The following NDUFV3 variants were observed in gnomAD, a reference collection of about 807,000 sequenced individuals.
NDUFV3 encodes the protein NADH dehydrogenase [ubiquinone] flavoprotein 3, mitochondrial.
NDUFV3 carries 44 observed loss-of-function variants against 37.5 expected under a neutral mutation model. The observed-to-expected ratio is 1.17, with a 90% confidence interval of 0.92 to 1.51. NDUFV3 has a LOEUF of 1.51. Ranked by LOEUF, NDUFV3 falls within the 40% of genes most tolerant of loss-of-function variation. The pLI is 0.00. For synonymous variants in NDUFV3, 235 were observed against 239.3 expected (o/e 0.98, Z 0.17); for missense variants, 580 against 580.4 (o/e 1.00, Z 0.01).
chr21:42,911,648 C>T lies in NDUFV3; in HGVS notation c.*2627C>T, dbSNP rs902576813. On this transcript the variant is annotated 3_prime_UTR_variant, in exon 4 of 4. Transcript: ENST00000354250. The stretch of plus-strand genomic sequence containing the variant: ...GTAGAGACAGGGTTCAAGAGATCTG[C>T]CTGCCTCGGCCCCAGAAAGTTCTGG... The T allele has an allele frequency of 6.6e-6, 1 of 151,882 alleles. No individual in the cohort carries two copies. Among genetic ancestry groups the T allele is most frequent in the East Asian group, 1.9e-4 (1 of 5,170 alleles). 9.4% of individuals were successfully genotyped at this position (151,882 alleles called of 1,614,324 possible). A position where few individuals can be genotyped will look rare whatever the true frequency, so the allele number is the denominator to read the frequency against.
chr21:42,894,387 A>T (rs1439979304), intron 1 of NDUFV3, among the ~76,000 whole-genome samples: 1 of 29,222 alleles, frequency 3.4e-5, no homozygotes, highest in Admixed American at 3.2e-4. Context: ...TAATATGTAA[A>T]TATATATTAT....
chr21:42,905,054 G>A (rs181707363), intron 3 of NDUFV3, among the ~76,000 whole-genome samples: 3 of 152,310 alleles, frequency 2.0e-5, no homozygotes, highest in Admixed American at 2.0e-4. Context: ...CTCCCAAAGT[G>A]CTGGGATTAC....
chr21:42,904,129 G>A lies in NDUFV3; in HGVS notation c.1117G>A (p.Asp373Asn), dbSNP rs778094556. 1.2e-6 allele frequency: 2 copies of A among 1,614,148 alleles called. No homozygotes were observed. Among genetic ancestry groups the A allele is most frequent in the African/African-American group, 2.7e-5 (2 of 74,954 alleles). Residue 373 changes from aspartate (D) to asparagine (N), a missense_variant, in exon 3 of 4, where the codon GAT becomes AAT. Coordinates refer to ENST00000354250, the MANE Select transcript of NDUFV3 (RefSeq NM_021075.4). ...GAAGGGTGGACAGGCAATCGTGGAA[G>A]ATCAGATACCACCAAGCAATTTGGA... Reference protein sequence around the residue: ...HLKGGQAIVEDQIPPSNLETV... With the variant: ...HLKGGQAIVENQIPPSNLETV...
At chr21:42,895,376 G>T (rs2058686044) in intron 1 of NDUFV3, among the ~76,000 whole-genome samples, 1 of 152,164 alleles carries the variant, frequency 6.6e-6, no homozygotes, top group African/African-American at 2.4e-5. Flanking sequence ...CAGCTACTTG[G>T]GTGGCTGAGA....
rs1291058507 is a variant in NDUFV3, at chr21:42,913,229, A to G, written c.*4208A>G. 1 of 152,210 alleles carries G rather than the reference A, an allele frequency of 6.6e-6. No homozygotes were observed. Among genetic ancestry groups the G allele is most frequent in the Non-Finnish European group, 1.5e-5 (1 of 68,058 alleles). 9.4% of individuals were successfully genotyped at this position (152,210 alleles called of 1,614,324 possible). On this transcript the variant is annotated 3_prime_UTR_variant, in exon 4 of 4. Transcript: ENST00000354250. ...AGGATATAAAAAATTCACAACTGCT[A>G]AAACAGTGTTCCTTCTAGTGTAATT... is the stretch of plus-strand genomic sequence containing the variant.
intron 1 of NDUFV3, among the ~76,000 whole-genome samples, chr21:42,894,588 T>C (rs1416366134): frequency 2.3e-5 from 3 of 129,950 alleles, no homozygotes; most frequent in African/African-American, 6.1e-5. Flanking sequence ...AGCCTCACTC[T>C]GTTGCCCAGG....
In NDUFV3 at chr21:42,903,318, T is replaced by TG; in HGVS notation, c.308dup (p.Ser104GlnfsTer7). 1 of 1,614,192 alleles carries TG rather than the reference T, an allele frequency of 6.2e-7. No individual in the cohort carries two copies. The highest frequency in any genetic ancestry group is 8.5e-7 in the Non-Finnish European group (1 of 1,180,036). ...GGAAGGTAGCTAGTCCCAGTCCCAGTGGCAGCGTGCTATTCACAGATGAAG... is the reference window on the plus strand; with the variant it reads ...GGAAGGTAGCTAGTCCCAGTCCCAGTGGGCAGCGTGCTATTCACAGATGAAG... On this transcript the variant is annotated frameshift_variant, in exon 3 of 4. Coordinates refer to ENST00000354250, the MANE Select transcript of NDUFV3 (RefSeq NM_021075.4). LOFTEE classifies it high-confidence loss of function.
intron 3 of NDUFV3, among the ~76,000 whole-genome samples, chr21:42,905,863 A>ATT (rs10583572): frequency 1.5e-5 from 2 of 132,928 alleles, no homozygotes; most frequent in Admixed American, 1.6e-4. Context: ...TGATGTTACC[A>ATT]TTTTTTTTTT....
chr21:42,904,027 C>G lies in NDUFV3; in HGVS notation c.1015C>G (p.Pro339Ala). The change falls in exon 3 of 4, where the codon CCA (proline) becomes GCA (alanine). Residue 339 changes from proline (P) to alanine (A), a missense_variant. Transcript: ENST00000354250. ...AAEGHLEKPVPEPQRKAAPPL... is the reference protein window; with the variant it reads ...AAEGHLEKPVAEPQRKAAPPL... Reference sequence around the variant, plus strand: ...AGAGGGGCATCTGGAAAAACCCGTGCCAGAGCCCCAGCGCAAGGCGGCCCC... The same window carrying G: ...AGAGGGGCATCTGGAAAAACCCGTGGCAGAGCCCCAGCGCAAGGCGGCCCC... 1 of 1,614,098 alleles carries G rather than the reference C, an allele frequency of 6.2e-7. No homozygotes were observed. Among genetic ancestry groups the G allele is most frequent in the Non-Finnish European group, 8.5e-7 (1 of 1,179,982 alleles).
rs1202431709 is a variant in NDUFV3 at position 42,910,745 on chromosome 21, T to C, written c.*1724T>C. On this transcript the variant is annotated 3_prime_UTR_variant, in exon 4 of 4. Coordinates refer to ENST00000354250, the MANE Select transcript of NDUFV3 (RefSeq NM_021075.4). ...TTGTGCGGTGCAGGGACGAAGTTGCTCCCCGCTGGCCACAGGCACTCAATG... is the reference window on the plus strand; with the variant it reads ...TTGTGCGGTGCAGGGACGAAGTTGCCCCCCGCTGGCCACAGGCACTCAATG... 6.5e-6 allele frequency: 1 copy of C among 154,420 alleles called. No individual in the cohort carries two copies. The highest frequency in any genetic ancestry group is 6.5e-5 in the Admixed American group (1 of 15,284). 9.6% of individuals were successfully genotyped at this position (154,420 alleles called of 1,614,324 possible).
chr21:42,901,416 T>A (rs143521516), intron 2 of NDUFV3, among the ~76,000 whole-genome samples: 1 of 150,410 alleles, frequency 6.6e-6, no homozygotes, highest in East Asian at 2.0e-4. Context: ...CACTCTAGCC[T>A]GACCCAAAAG....
intron 3 of NDUFV3, among the ~76,000 whole-genome samples, chr21:42,905,032 G>C (rs2058735479): frequency 1.3e-5 from 2 of 149,420 alleles, no homozygotes; most frequent in African/African-American, 4.9e-5. Flanking sequence ...CTCATGATCA[G>C]CCTGCCTCGG....
chr21:42,895,451 C>T (rs2058686323), intron 1 of NDUFV3, among the ~76,000 whole-genome samples: 1 of 152,016 alleles, frequency 6.6e-6, no homozygotes, highest in South Asian at 2.1e-4. Flanking sequence ...CACTGTGCTC[C>T]AGCCAGGGTG....
intron 1 of NDUFV3, among the ~76,000 whole-genome samples, chr21:42,895,232 C>G (rs1255272663): frequency 6.6e-6 from 1 of 151,968 alleles, no homozygotes; most frequent in Non-Finnish European, 1.5e-5. Flanking sequence ...CCTGTAATGC[C>G]AGTACTTTGA....
rs772794397 is a variant in NDUFV3 at position 42,909,039 on chromosome 21, A to G, written c.*18A>G. The G allele has an allele frequency of 1.2e-6, 2 of 1,610,850 alleles. No homozygotes were observed. The highest frequency in any genetic ancestry group is 1.1e-5 in the South Asian group (1 of 91,038). ...GACACTGAGGGCCCTCGGTGTGAAG[A>G]TGAACCTTCCACCGTCTTCACTGCA... On this transcript the variant is annotated 3_prime_UTR_variant, in exon 4 of 4. Coordinates refer to ENST00000354250, the MANE Select transcript of NDUFV3 (RefSeq NM_021075.4).
chr21:42,894,030 A>G (rs1476735974), intron 1 of NDUFV3, among the ~76,000 whole-genome samples: 1 of 151,852 alleles, frequency 6.6e-6, no homozygotes, highest in Non-Finnish European at 1.5e-5. Flanking sequence ...AGCCTGGCCA[A>G]CATGTCGAAA....
chr21:42,897,781 A>C (rs1182237827), intron 2 of NDUFV3, among the ~76,000 whole-genome samples: 3 of 151,762 alleles, frequency 2.0e-5, no homozygotes, highest in Non-Finnish European at 4.4e-5. Context: ...GGTTCACACC[A>C]TTCTCCTGCC....
At chr21:42,905,744 G>C (rs1262259884) in intron 3 of NDUFV3, among the ~76,000 whole-genome samples, 4 of 152,124 alleles carry the variant, frequency 2.6e-5, no homozygotes, top group Admixed American at 2.6e-4. Flanking sequence ...TCGAACTCCT[G>C]ACCTTAGGTG....
chr21:42,903,632 A>T lies in NDUFV3; in HGVS notation c.620A>T (p.Glu207Val). Residue 207 changes from glutamate to valine, a missense_variant, in exon 3 of 4, where the codon GAG (glutamate) becomes GTG (valine). By Grantham distance (121) the Glu-to-Val change is moderately radical (BLOSUM62 -2). Coordinates refer to ENST00000354250, the MANE Select transcript of NDUFV3 (RefSeq NM_021075.4). ...CCCCGAGTTACAGTATCAGCAAAAG[A>T]GAAAACCTTGCTGCAGAAGCCGCAT... is the stretch of plus-strand genomic sequence containing the variant. ...RAPRVTVSAK[E>V]KTLLQKPHVD... The T allele has an allele frequency of 6.2e-7, 1 of 1,614,056 alleles. No homozygotes were observed. Among genetic ancestry groups the T allele is most frequent in the Non-Finnish European group, 8.5e-7 (1 of 1,180,018 alleles).
Sources: allele counts gnomAD v4.1 joint callset (sites outside exome capture counted in the v4.1 genomes callset), GRCh38; gene constraint gnomAD v4.1.1; transcripts MANE v1.5; gene names NCBI Gene and HGNC (gene_info 2026-07-23, HGNC 2026-07-21).